ATG14: variants seen among roughly 807,000 people sequenced by gnomAD.
ATG14 encodes the protein autophagy related 14, also known as beclin 1-associated autophagy-related key regulator.
Under a neutral mutation model 60.4 loss-of-function variants are expected in ATG14, and 35 were observed. That is an observed-to-expected ratio of 0.58 (90% CI 0.44 to 0.77). The LOEUF is 0.77. Ranked by LOEUF, ATG14 falls within the 30% of genes least tolerant of loss-of-function variation. The pLI, the probability that ATG14 is intolerant of heterozygous loss-of-function variation, is 0.00. For missense variants in ATG14, 647 were observed against 626.3 expected (o/e 1.03, Z -0.35); for synonymous variants, 234 against 228.8 (o/e 1.02, Z -0.21).
Position 55,385,963 on chromosome 14 carries a change from A to G in ATG14, c.543T>C (p.Ile181=). The change falls in exon 5 of 10, where the codon ATT becomes ATC. Residue 181 remains isoleucine (I), a synonymous_variant. Coordinates refer to ENST00000247178, the MANE Select transcript of ATG14 (RefSeq NM_014924.5). ...GACGCTCATAATGACTTCTTAAGTC[A>G]ATGGTCTTTTTTTCTACCAGGTCAC... ...KLGDLVEKKT[I]DLRSHYERLA... The G allele has an allele frequency of 6.2e-7, 1 of 1,614,156 alleles. No homozygotes were observed. The highest frequency in any genetic ancestry group is 8.5e-7 in the Non-Finnish European group (1 of 1,180,026).
At position 55,370,643 on chromosome 14, in the gene ATG14, T is replaced by A. The variant is rs138266041; in HGVS notation, c.1173-718A>T. ...GCAAACCTCAGAAGCCTTTCTGCAT[T>A]TCTTTTTTTTTTTATTTAGACAGAG... On this transcript the variant is annotated intron_variant, in intron 9 of 9. Transcript: ENST00000247178. Among the ~76,000 whole-genome samples, 891 of 151,890 alleles carry A rather than the reference T, an allele frequency of 5.9e-3. 4 individuals carry two copies. Among genetic ancestry groups the A allele is most frequent in the African/African-American group, 0.02 (844 of 41,414 alleles).
chr14:55,393,661 C>A (rs1025077348), intron 3 of ATG14, among the ~76,000 whole-genome samples: 1 of 151,800 alleles, frequency 6.6e-6, no homozygotes, highest in Non-Finnish European at 1.5e-5. Flanking sequence ...CCTCCCACCT[C>A]AACCTCCCAA....
intron 1 of ATG14, among the ~76,000 whole-genome samples, chr14:55,406,869 T>C (rs986473398): frequency 6.6e-6 from 1 of 152,204 alleles, no homozygotes; most frequent in African/African-American, 2.4e-5. Context: ...ATTTGCTTTA[T>C]ATTTTTCTGC....
chr14:55,405,670 G>T (rs895634344), intron 1 of ATG14, among the ~76,000 whole-genome samples: 2 of 152,228 alleles, frequency 1.3e-5, no homozygotes, highest in African/African-American at 4.8e-5. Context: ...CTGGGTAGCA[G>T]TGCTATTTCT....
chr14:55,390,962 T>C lies in ATG14; in HGVS notation c.358A>G (p.Ile120Val), dbSNP rs762491251. ...CATATTGTTTGTTTTAACTGTTCAA[T>C]CCTCATCTTGCAGGACATTATTTTC... ...RWKIMSCKMR[I>V]EQLKQTICKG... Residue 120 changes from isoleucine to valine, a missense_variant, in exon 4 of 10, where the codon ATT becomes GTT. Transcript: ENST00000247178. 1.2e-6 allele frequency: 2 copies of C among 1,606,454 alleles called. No homozygotes were observed. Among genetic ancestry groups the C allele is most frequent in the Non-Finnish European group, 1.7e-6 (2 of 1,176,440 alleles).
In ATG14 at chr14:55,366,499, ACTGTGAGGAGATT is replaced by A. The variant is rs1341838586; in HGVS notation, c.*3107_*3119del. The A allele has an allele frequency of 6.6e-6, 1 of 152,642 alleles. No homozygotes were observed. The highest frequency in any genetic ancestry group is 2.4e-5 in the African/African-American group (1 of 41,474). The allele number at this position is 152,642 out of a possible 1,614,324, so 9.5% of individuals were successfully genotyped here. A position where few individuals can be genotyped will look rare whatever the true frequency, so the allele number is the denominator to read the frequency against. On this transcript the variant is annotated 3_prime_UTR_variant, in exon 10 of 10. Transcript: ENST00000247178. ...CAATGGGGAATTCCTGCAACATGATACTGTGAGGAGATTCTCGGACACTAGTCCTCTAACAGCA... is the reference window on the plus strand; with the variant it reads ...CAATGGGGAATTCCTGCAACATGATACTCGGACACTAGTCCTCTAACAGCA...
intron 1 of ATG14, among the ~76,000 whole-genome samples, chr14:55,402,650 T>G (rs956226308): frequency 6.6e-6 from 1 of 151,676 alleles, no homozygotes; most frequent in South Asian, 2.1e-4. Context: ...AAATAAGATT[T>G]AAAAACCTGG....
At chr14:55,390,877 T>C in intron 4 of ATG14, 34 bp downstream of exon 4, 2 of 1,456,074 alleles carry the variant, frequency 1.4e-6, no homozygotes, top group East Asian at 2.3e-5. Context: ...ATAGGCACTT[T>C]CTAGGGCTGG....
chr14:55,381,834 G>A, intron 6 of ATG14, 128 bp downstream of exon 6: 1 of 721,838 alleles, frequency 1.4e-6, no homozygotes, highest in Non-Finnish European at 2.3e-6. Flanking sequence ...TGGAGGTGAT[G>A]GGAGCACAGT....
At chr14:55,401,942 T>A (rs1255416080) in intron 1 of ATG14, among the ~76,000 whole-genome samples, 1 of 152,198 alleles carries the variant, frequency 6.6e-6, no homozygotes, top group East Asian at 1.9e-4. Flanking sequence ...GGGAAAACAA[T>A]GACGGGAGTA....
chr14:55,404,194 C>A (rs535376091), intron 1 of ATG14, among the ~76,000 whole-genome samples: 1 of 152,170 alleles, frequency 6.6e-6, no homozygotes, highest in Non-Finnish European at 1.5e-5. Context: ...ACTACAAATT[C>A]ATCTGAAAAA....
At chr14:55,382,276 C>A in intron 5 of ATG14, 85 bp from the exon 6 acceptor site, 1 of 1,193,954 alleles carries the variant, frequency 8.4e-7, no homozygotes. Flanking sequence ...GCTAGAACAT[C>A]GAAAAGCTGC....
At chr14:55,407,930 A>G (rs369535569) in intron 1 of ATG14, among the ~76,000 whole-genome samples, 1 of 152,162 alleles carries the variant, frequency 6.6e-6, no homozygotes, top group African/African-American at 2.4e-5. Context: ...AGAAACGGCA[A>G]GGAAAAAGCC....
intron 3 of ATG14, among the ~76,000 whole-genome samples, chr14:55,393,068 C>A (rs144265380): frequency 6.6e-6 from 1 of 152,188 alleles, no homozygotes. Context: ...AAATTCACTT[C>A]TATCACAAAT....
intron 7 of ATG14, among the ~76,000 whole-genome samples, chr14:55,380,237 G>C (rs1203892747): frequency 1.3e-5 from 2 of 149,032 alleles, no homozygotes; most frequent in African/African-American, 4.9e-5. Context: ...GACAGAGCGA[G>C]ACTCTGTCTC....
rs1201745816 is a variant in ATG14 at position 55,395,186 on chromosome 14, C to T, written c.327+754G>A. On this transcript the variant is annotated intron_variant, in intron 3 of 9. Coordinates refer to ENST00000247178, the MANE Select transcript of ATG14 (RefSeq NM_014924.5). ...ATAAGCGTGCCGATCTCCTCTTGGGCTCTTCCTCTGTGGCCCATTCAGTGG... is the reference window on the plus strand; with the variant it reads ...ATAAGCGTGCCGATCTCCTCTTGGGTTCTTCCTCTGTGGCCCATTCAGTGG... The T allele has an allele frequency of 4.3e-5, 19 of 438,346 alleles. No homozygotes were observed. The East Asian group carries it at 4.8e-4, about 11-fold the overall frequency. 27.2% of individuals were successfully genotyped at this position (438,346 alleles called of 1,614,324 possible).
At chr14:55,389,373 C>T (rs930753202) in intron 4 of ATG14, among the ~76,000 whole-genome samples, 2 of 152,174 alleles carry the variant, frequency 1.3e-5, no homozygotes, top group African/African-American at 4.8e-5. Context: ...AGAATGCATG[C>T]AAGACTGGGT....
chr14:55,397,255 G>T, intron 2 of ATG14, 117 bp downstream of exon 2: 1 of 895,652 alleles, frequency 1.1e-6, no homozygotes, highest in Non-Finnish European at 1.8e-6. Context: ...ACTTTAAGAG[G>T]TTGTATCCTA....
At chr14:55,370,067 G>A (rs1000156089) in intron 9 of ATG14, 142 bp from the exon 10 acceptor site, 30 of 660,276 alleles carry the variant, frequency 4.5e-5, no homozygotes, top group African/African-American at 3.4e-4. Context: ...GCAGCACTCC[G>A]TGTTGACATA....
Sources: gnomAD v4.1 joint callset for allele counts (sites outside exome capture counted in the v4.1 genomes callset) on GRCh38, gnomAD v4.1.1 for gene constraint, MANE v1.5 for transcripts, NCBI Gene and HGNC (gene_info 2026-07-23, HGNC 2026-07-21) for gene names.